Variants in APBB1IP observed in about 807,000 individuals in gnomAD.
APBB1IP encodes the protein amyloid beta precursor protein binding family B member 1 interacting protein.
In APBB1IP, 27 loss-of-function variants were observed where a neutral mutation model predicts 64.9. The observed-to-expected ratio is 0.42, with a 90% CI of 0.31 to 0.57. The LOEUF is 0.57. Among genes scored for constraint, APBB1IP ranks in the 20% least tolerant of loss-of-function variants. The pLI, the probability that APBB1IP is intolerant of heterozygous loss-of-function variation, is 0.20. For synonymous variants in APBB1IP, 392 were observed against 331.0 expected (o/e 1.18, Z -2.00); for missense variants, 812 against 845.5 (o/e 0.96, Z 0.49).
intron 2 of APBB1IP, among the ~76,000 whole-genome samples, chr10:26,470,433 G>A (rs1835702961): frequency 6.6e-6 from 1 of 152,116 alleles, no homozygotes. Flanking sequence ...CAGCTACTAG[G>A]GAGGCTGAGG....
chr10:26,515,140 CAA>C (rs1836310544), intron 8 of APBB1IP, among the ~76,000 whole-genome samples: 1 of 152,018 alleles, frequency 6.6e-6, no homozygotes, highest in South Asian at 2.1e-4. Context: ...CTTGGCCTCC[CAA>C]AGTGCTGGGA....
intron 2 of APBB1IP, among the ~76,000 whole-genome samples, chr10:26,450,505 G>A (rs1361066481): frequency 6.6e-6 from 1 of 152,110 alleles, no homozygotes; most frequent in African/African-American, 2.4e-5. Context: ...CTGTGTTTTA[G>A]TCAAATAGTC....
rs764332065 is a variant in APBB1IP, at chr10:26,501,657, C to T, written c.453+546C>T. 2.2e-3 allele frequency: 334 copies of T among 154,610 alleles called. 3 individuals carry two copies. Among genetic ancestry groups the T allele is most frequent in the Non-Finnish European group, 1.8e-3 (129 of 69,760 alleles). 9.6% of individuals were successfully genotyped at this position (154,610 alleles called of 1,614,324 possible). ...TGATAAATTTCTGAATATTGAAAAA[C>T]AGACAACTGGAAAGTTTAAATGATC... On this transcript the variant is annotated intron_variant, in intron 5 of 14. Coordinates refer to ENST00000376236, the MANE Select transcript of APBB1IP (RefSeq NM_019043.4).
chr10:26,472,117 A>C (rs916105229), intron 2 of APBB1IP, among the ~76,000 whole-genome samples: 5 of 152,188 alleles, frequency 3.3e-5, no homozygotes, highest in African/African-American at 9.7e-5. Flanking sequence ...GAAGAAAAAC[A>C]GAAAATCCCT....
intron 8 of APBB1IP, among the ~76,000 whole-genome samples, chr10:26,529,572 G>T (rs560647760): frequency 6.6e-6 from 1 of 152,344 alleles, no homozygotes; most frequent in South Asian, 2.1e-4. Flanking sequence ...TGCAGAGGGT[G>T]ACAGATGCTC....
At chr10:26,511,979 A>C (rs527856393) in intron 7 of APBB1IP, 73 bp downstream of exon 7, 91 of 1,503,798 alleles carry the variant, frequency 6.1e-5, no homozygotes, top group Admixed American at 4.4e-4. Flanking sequence ...GCTTGGGTTT[A>C]TTCTTTTTTT....
chr10:26,455,397 G>A (rs1296504896), intron 2 of APBB1IP, among the ~76,000 whole-genome samples: 1 of 151,862 alleles, frequency 6.6e-6, no homozygotes, highest in African/African-American at 2.4e-5. Flanking sequence ...GGTGTGGTGC[G>A]GGCGCTTGTA....
At chr10:26,521,622 C>T (rs2132453368) in intron 8 of APBB1IP, among the ~76,000 whole-genome samples, 1 of 152,318 alleles carries the variant, frequency 6.6e-6, no homozygotes, top group Admixed American at 6.5e-5. Context: ...CAGACGATGG[C>T]TCCTCTATAA....
chr10:26,504,875 C>T (rs539825016), intron 6 of APBB1IP, among the ~76,000 whole-genome samples: 186 of 152,266 alleles, frequency 1.2e-3, no homozygotes, highest in African/African-American at 4.0e-3. Context: ...CTCCCTCAGC[C>T]TTCTGAGTAG....
At chr10:26,506,803 G>A (rs1836185356) in intron 6 of APBB1IP, among the ~76,000 whole-genome samples, 1 of 152,122 alleles carries the variant, frequency 6.6e-6, no homozygotes, top group South Asian at 2.1e-4. Flanking sequence ...CCTGCTTGTG[G>A]AGAGTTAGAG....
At chr10:26,446,082 T>C (rs1449004820) in intron 2 of APBB1IP, among the ~76,000 whole-genome samples, 1 of 127,472 alleles carries the variant, frequency 7.8e-6, no homozygotes, top group Non-Finnish European at 1.7e-5. Context: ...AACAAATTAG[T>C]TATGTGGGGC....
At chr10:26,472,237 G>C (rs1835726499) in intron 2 of APBB1IP, among the ~76,000 whole-genome samples, 1 of 152,148 alleles carries the variant, frequency 6.6e-6, no homozygotes, top group Non-Finnish European at 1.5e-5. Context: ...ATCATATCTT[G>C]AAAAGAAGAG....
At chr10:26,466,498 G>T (rs900675317) in intron 2 of APBB1IP, among the ~76,000 whole-genome samples, 14 of 152,196 alleles carry the variant, frequency 9.2e-5, no homozygotes, top group Non-Finnish European at 1.5e-5. Context: ...GTGAATATTT[G>T]CTTCAAGAAG....
chr10:26,541,652 T>C lies in APBB1IP; in HGVS notation c.1115T>C (p.Met372Thr). ...VNIYYGTQHK[M>T]KYKAPTDYCF... Reference sequence around the variant, plus strand: ...ATTTACTATGGGACTCAGCATAAAATGAAATATAAAGCGCCCACTGACTAT... The same window carrying C: ...ATTTACTATGGGACTCAGCATAAAACGAAATATAAAGCGCCCACTGACTAT... Residue 372 changes from methionine (M) to threonine (T), a missense_variant, in exon 11 of 15, where the codon ATG (methionine) becomes ACG (threonine). Around this residue, in one of 3 missense-constraint regions of APBB1IP, gnomAD observed 37 missense variants for 80.4 expected, o/e 0.46. Coordinates refer to ENST00000376236, the MANE Select transcript of APBB1IP (RefSeq NM_019043.4). The C allele has an allele frequency of 6.2e-7, 1 of 1,612,194 alleles. No individual in the cohort carries two copies. The highest frequency in any genetic ancestry group is 8.5e-7 in the Non-Finnish European group (1 of 1,179,388).
intron 2 of APBB1IP, among the ~76,000 whole-genome samples, chr10:26,457,058 G>GGGTGTTT (rs1835535209): frequency 6.6e-6 from 1 of 152,070 alleles, no homozygotes; most frequent in Non-Finnish European, 1.5e-5. Flanking sequence ...CTGGTTTTTT[G>GGGTGTTT]GGTGTTTGTT....
At chr10:26,531,544 G>A (rs1836554126) in intron 8 of APBB1IP, among the ~76,000 whole-genome samples, 1 of 151,914 alleles carries the variant, frequency 6.6e-6, no homozygotes, top group South Asian at 2.1e-4. Flanking sequence ...GCGGGCGCCT[G>A]TAGTCCCAGC....
chr10:26,445,781 G>T (rs10764615), intron 2 of APBB1IP, among the ~76,000 whole-genome samples: 59,038 of 152,104 alleles, frequency 0.39, 11,652 homozygotes, highest in South Asian at 0.49. Flanking sequence ...TCAAGTGTTA[G>T]AGCAGGGCTA....
At chr10:26,526,909 T>C (rs1216034441) in intron 8 of APBB1IP, among the ~76,000 whole-genome samples, 1 of 152,230 alleles carries the variant, frequency 6.6e-6, no homozygotes, top group Non-Finnish European at 1.5e-5. Flanking sequence ...ATGATTATAC[T>C]CTACTGGTGG....
chr10:26,440,446 A>G (rs1042406749), intron 2 of APBB1IP, among the ~76,000 whole-genome samples: 3 of 152,216 alleles, frequency 2.0e-5, no homozygotes, highest in African/African-American at 7.2e-5. Flanking sequence ...AAATATCAAT[A>G]TCTTTGAGGT....
Sources: gnomAD v4.1 joint callset for allele counts (sites outside exome capture counted in the v4.1 genomes callset) on GRCh38, gnomAD v4.1.1 for gene constraint, gnomAD v4.1.1 regional missense constraint, MANE v1.5 for transcripts, NCBI Gene and HGNC (gene_info 2026-07-23, HGNC 2026-07-21) for gene names.